DCC: variants seen among roughly 807,000 people sequenced by gnomAD.
The protein encoded by DCC is DCC netrin 1 receptor.
Under a neutral mutation model 172.5 loss-of-function variants are expected in DCC, and 58 were observed. The ratio of observed to expected loss-of-function variants is 0.34; its 90% confidence interval spans 0.27 to 0.42. DCC has a LOEUF of 0.42. Among genes scored for constraint, DCC ranks in the 10% least tolerant of loss-of-function variants. The pLI, the probability that DCC is intolerant of heterozygous loss-of-function variation, is 1.00. For synonymous variants in DCC, 709 were observed against 644.5 expected (o/e 1.10, Z -1.52); for missense variants, 1,740 against 1,791.0 (o/e 0.97, Z 0.51).
At chr18:52,720,073 G>A (rs1683861206) in intron 1 of DCC, among the ~76,000 whole-genome samples, 1 of 152,074 alleles carries the variant, frequency 6.6e-6, no homozygotes, top group Non-Finnish European at 1.5e-5. Context: ...CAGCAGGCTA[G>A]GTATGATACG....
At chr18:53,418,244 A>G (rs1208308927) in intron 21 of DCC, among the ~76,000 whole-genome samples, 2 of 152,166 alleles carry the variant, frequency 1.3e-5, no homozygotes, top group Admixed American at 1.3e-4. Flanking sequence ...TAGTGGTTAT[A>G]AATAATATCT....
At chr18:52,709,522 C>A (rs890001481) in intron 1 of DCC, among the ~76,000 whole-genome samples, 2 of 152,126 alleles carry the variant, frequency 1.3e-5, no homozygotes, top group Admixed American at 6.5e-5. Context: ...TCCCAGTGAC[C>A]GCTGGAAGGA....
At chr18:52,860,484 A>G (rs1249307429) in intron 2 of DCC, among the ~76,000 whole-genome samples, 1 of 152,224 alleles carries the variant, frequency 6.6e-6, no homozygotes, top group Non-Finnish European at 1.5e-5. Context: ...GACAAATAAA[A>G]AAACCTCCAA....
rs1431196 is a variant in DCC at position 53,305,732 on chromosome 18, A to G, written c.2053+13A>G. 608,390 of 1,611,666 alleles carry G rather than the reference A, an allele frequency of 0.38. 125,886 individuals are homozygous for G. The highest frequency in any genetic ancestry group is 0.43 in the Non-Finnish European group (509,835 of 1,177,792). ...TACCTATTCACAGGTCAGTGTTCACATGGTGTAGTCTTGCAAGGTTTTGAT... is the reference window on the plus strand; with the variant it reads ...TACCTATTCACAGGTCAGTGTTCACGTGGTGTAGTCTTGCAAGGTTTTGAT... On this transcript the variant is annotated intron_variant, in intron 13 of 28. Coordinates refer to ENST00000442544, the MANE Select transcript of DCC (RefSeq NM_005215.4).
At chr18:53,464,150 G>T (rs2045590845) in intron 24 of DCC, among the ~76,000 whole-genome samples, 1 of 152,168 alleles carries the variant, frequency 6.6e-6, no homozygotes, top group Non-Finnish European at 1.5e-5. Context: ...AGAAACGAAA[G>T]AGTTCAGGTC....
chr18:53,354,135 GC>G (rs1361757356), intron 15 of DCC, among the ~76,000 whole-genome samples: 1 of 152,162 alleles, frequency 6.6e-6, no homozygotes, highest in Admixed American at 6.6e-5. Flanking sequence ...GTGTATATGT[GC>G]CACATTTTCT....
At chr18:52,804,977 T>C (rs1454706669) in intron 2 of DCC, among the ~76,000 whole-genome samples, 1 of 152,138 alleles carries the variant, frequency 6.6e-6, no homozygotes, top group Non-Finnish European at 1.5e-5. Flanking sequence ...ACTTTATATT[T>C]TCATCAGGAT....
At chr18:52,804,738 C>G (rs2038056783) in intron 2 of DCC, among the ~76,000 whole-genome samples, 1 of 152,120 alleles carries the variant, frequency 6.6e-6, no homozygotes, top group African/African-American at 2.4e-5. Context: ...CATGTGCCAC[C>G]AAGCCCAGCT....
chr18:52,968,894 G>A lies in DCC; in HGVS notation c.985+43524G>A, dbSNP rs150582999. Among the ~76,000 whole-genome samples, 860 of 152,080 alleles carry A rather than the reference G, an allele frequency of 5.7e-3. 7 individuals are homozygous for A. Among genetic ancestry groups the A allele is most frequent in the African/African-American group, 0.02 (826 of 41,494 alleles). Reference sequence around the variant, plus strand: ...TTTATCTGAAATTCTAATTTAGTTAGGAGTCCTGTATTTTTCCACATTAAA... The same window carrying A: ...TTTATCTGAAATTCTAATTTAGTTAAGAGTCCTGTATTTTTCCACATTAAA... On this transcript the variant is annotated intron_variant, in intron 5 of 28. Transcript: ENST00000442544.
chr18:53,044,329 A>T (rs1054854850), intron 5 of DCC, among the ~76,000 whole-genome samples: 2 of 151,912 alleles, frequency 1.3e-5, no homozygotes, highest in Non-Finnish European at 2.9e-5. Context: ...TGCACAGGCC[A>T]TTGAAATGCT....
chr18:52,892,573 C>T (rs1383950658), intron 2 of DCC: 1 of 152,146 alleles, frequency 6.6e-6, no homozygotes, highest in Non-Finnish European at 1.5e-5. Flanking sequence ...AAGATCATTT[C>T]AGGCTTTTGT....
At chr18:52,970,383 T>A (rs1370508529) in intron 5 of DCC, among the ~76,000 whole-genome samples, 1 of 152,070 alleles carries the variant, frequency 6.6e-6, no homozygotes, top group Non-Finnish European at 1.5e-5. Context: ...TATGAGAAAG[T>A]GGAGAAGCCT....
intron 15 of DCC, among the ~76,000 whole-genome samples, chr18:53,340,500 C>G (rs1399644246): frequency 6.6e-6 from 1 of 152,102 alleles, no homozygotes; most frequent in Non-Finnish European, 1.5e-5. Context: ...TTCCCTGCCC[C>G]TACCAATCTA....
intron 12 of DCC, among the ~76,000 whole-genome samples, chr18:53,243,853 T>C (rs1598940954): frequency 6.6e-6 from 1 of 152,280 alleles, no homozygotes; most frequent in East Asian, 1.9e-4. Context: ...TTCTCTTTCT[T>C]TTTATTAAAT....
At chr18:53,065,771 T>C (rs2042557237) in intron 6 of DCC, among the ~76,000 whole-genome samples, 1 of 152,182 alleles carries the variant, frequency 6.6e-6, no homozygotes, top group African/African-American at 2.4e-5. Flanking sequence ...TGTTGACTGC[T>C]CATTTAGGTA....
At chr18:53,125,362 T>C (rs1258858137) in intron 7 of DCC, among the ~76,000 whole-genome samples, 1 of 152,092 alleles carries the variant, frequency 6.6e-6, no homozygotes, top group South Asian at 2.1e-4. Context: ...CTCTTTAAGT[T>C]CTAAGGGCAC....
At chr18:53,340,039 T>C (rs1220829764) in intron 15 of DCC, 132 bp downstream of exon 15, 23 of 673,686 alleles carry the variant, frequency 3.4e-5, no homozygotes, top group Non-Finnish European at 4.2e-5. Context: ...TGAAAGCAAC[T>C]GTCTATCTAC....
intron 22 of DCC, among the ~76,000 whole-genome samples, chr18:53,442,508 C>T (rs933195223): frequency 6.6e-6 from 1 of 152,162 alleles, no homozygotes; most frequent in Non-Finnish European, 1.5e-5. Flanking sequence ...TGTCTCTCTC[C>T]CCCTTTTGGG....
At chr18:52,921,913 T>C (rs769925103) in intron 3 of DCC, among the ~76,000 whole-genome samples, 97 of 151,902 alleles carry the variant, frequency 6.4e-4, no homozygotes, top group Non-Finnish European at 1.0e-3. Context: ...GAGGAGCAGA[T>C]GGTAAAAGTA....
Sources: allele counts gnomAD v4.1 joint callset (sites outside exome capture counted in the v4.1 genomes callset), GRCh38; gene constraint gnomAD v4.1.1; transcripts MANE v1.5; gene names NCBI Gene and HGNC (gene_info 2026-07-23, HGNC 2026-07-21).